The following ATP8A1 variants were observed in gnomAD, a reference collection of about 807,000 sequenced individuals.
ATP8A1 encodes ATPase phospholipid transporting 8A1.
ATP8A1 carries 90 observed loss-of-function variants against 177.7 expected under a neutral mutation model. The observed-to-expected ratio is 0.51, with a 90% CI of 0.43 to 0.60. The LOEUF (loss-of-function observed/expected upper bound fraction) is 0.60, where lower values mean the gene tolerates loss of function less well. Among genes scored for constraint, ATP8A1 ranks in the 20% least tolerant of loss-of-function variants. ATP8A1 has a pLI of 0.00. For missense variants in ATP8A1, 1,072 were observed against 1,392.8 expected (o/e 0.77, Z 3.67); for synonymous variants, 493 against 485.9 (o/e 1.01, Z -0.19).
chr4:42,425,223 T>TG (rs368048099), intron 33 of ATP8A1, among the ~76,000 whole-genome samples: 527 of 150,486 alleles, frequency 3.5e-3, no homozygotes, highest in East Asian at 0.017. Flanking sequence ...TTAATTTGGT[T>TG]GGGGGGGGGC....
At position 42,553,222 on chromosome 4, in the gene ATP8A1, T is replaced by C. The variant is rs909732131; in HGVS notation, c.1414-612A>G. 6.6e-5 allele frequency among the ~76,000 whole-genome samples: 10 copies of C among 152,372 alleles called. No individual in the cohort carries two copies. The South Asian group carries it at 1.9e-3, about 28-fold the overall frequency. ...TGAGAAAGGCAGATGTAGCTGAATCTTGTCGTTGGAGGACAGGATAAAAAT... is the reference window on the plus strand; with the variant it reads ...TGAGAAAGGCAGATGTAGCTGAATCCTGTCGTTGGAGGACAGGATAAAAAT... On this transcript the variant is annotated intron_variant, in intron 16 of 36. Transcript: ENST00000381668.
intron 6 of ATP8A1, among the ~76,000 whole-genome samples, chr4:42,592,593 A>T (rs991438775): frequency 6.6e-6 from 1 of 152,146 alleles, no homozygotes; most frequent in South Asian, 2.1e-4. Context: ...AGGTGTTACT[A>T]TCATTTTGAA....
chr4:42,616,128 C>T (rs1248076260), intron 4 of ATP8A1, 50 bp from the exon 5 acceptor site: 9 of 1,515,542 alleles, frequency 5.9e-6, no homozygotes, highest in Admixed American at 1.8e-5. Context: ...AATAAGATTA[C>T]TAAAACAAGA....
At chr4:42,623,937 G>A (rs1737775690) in intron 4 of ATP8A1, among the ~76,000 whole-genome samples, 1 of 151,958 alleles carries the variant, frequency 6.6e-6, no homozygotes, top group African/African-American at 2.4e-5. Flanking sequence ...CAAAACATTG[G>A]TTTCCTCAAG....
intron 22 of ATP8A1, among the ~76,000 whole-genome samples, chr4:42,517,071 G>C (rs954921930): frequency 2.0e-5 from 3 of 151,684 alleles, no homozygotes; most frequent in African/African-American, 7.3e-5. Context: ...GAGGCCAAGG[G>C]GGGGTGGATC....
intron 22 of ATP8A1, among the ~76,000 whole-genome samples, chr4:42,517,029 G>A (rs1006489899): frequency 5.9e-5 from 9 of 152,104 alleles, no homozygotes; most frequent in South Asian, 2.1e-4. Context: ...GGCCAGGCAC[G>A]GTGGCTCAGG....
At chr4:42,566,201 A>T (rs193000847) in intron 15 of ATP8A1, among the ~76,000 whole-genome samples, 1 of 152,330 alleles carries the variant, frequency 6.6e-6, no homozygotes, top group East Asian at 1.9e-4. Context: ...ACATATATCT[A>T]AGAGGTAATT....
chr4:42,451,034 G>A (rs954137464), intron 30 of ATP8A1, among the ~76,000 whole-genome samples: 4 of 152,126 alleles, frequency 2.6e-5, no homozygotes, highest in African/African-American at 7.2e-5. Flanking sequence ...GAGCCAATTC[G>A]AATATCTGTG....
intron 35 of ATP8A1, among the ~76,000 whole-genome samples, chr4:42,416,274 A>G (rs1713230630): frequency 6.6e-6 from 1 of 152,168 alleles, no homozygotes; most frequent in Non-Finnish European, 1.5e-5. Context: ...GGTGCTGGAA[A>G]GTCTTTGGTG....
intron 9 of ATP8A1, among the ~76,000 whole-genome samples, chr4:42,585,502 C>T (rs1321620563): frequency 7.0e-6 from 1 of 143,722 alleles, no homozygotes; most frequent in South Asian, 2.3e-4. Flanking sequence ...CGAGAGCCTC[C>T]GCCATGTGAA....
intron 1 of ATP8A1, among the ~76,000 whole-genome samples, chr4:42,645,156 T>C (rs1740407358): frequency 6.6e-6 from 1 of 152,340 alleles, no homozygotes; most frequent in Non-Finnish European, 1.5e-5. Context: ...TTGTACTGAA[T>C]TGAATGTTCA....
chr4:42,518,354 A>G (rs1243807977), intron 22 of ATP8A1, among the ~76,000 whole-genome samples: 2 of 152,228 alleles, frequency 1.3e-5, no homozygotes, highest in Admixed American at 1.3e-4. Context: ...ATACGGGCAC[A>G]ATGATGTACT....
intron 15 of ATP8A1, chr4:42,561,832 T>C (rs1371094039): frequency 6.6e-6 from 1 of 152,296 alleles, no homozygotes; most frequent in African/African-American, 2.4e-5. Context: ...CTGCCTCCAT[T>C]TCTCTCCCTG....
At chr4:42,495,629 T>C (rs930523603) in intron 24 of ATP8A1, among the ~76,000 whole-genome samples, 6 of 151,680 alleles carry the variant, frequency 4.0e-5, no homozygotes, top group African/African-American at 1.4e-4. Flanking sequence ...TTTTTTTTGA[T>C]GTAGTTTTTG....
rs1288524729 is a variant in ATP8A1, at chr4:42,507,018, A to C, written c.2084T>G (p.Ile695Ser). The stretch of plus-strand genomic sequence containing the variant: ...AAAATGTGAACTAGGTGAATTACCG[A>C]TGTTAATGGCAGTTTCTTGCTTGTC... ...TGDKQETAIN[I>S]GHSCKLLKKN... Residue 695 changes from isoleucine (I) to serine (S), a missense_variant and splice_region_variant, in exon 23 of 37, where the codon ATC becomes AGC. This residue lies in a region of ATP8A1 where 388 missense variants were observed against 471.7 expected (regional missense o/e 0.82). Transcript: ENST00000381668. The C allele has an allele frequency of 6.2e-7, 1 of 1,613,108 alleles. No individual in the cohort carries two copies. Among genetic ancestry groups the C allele is most frequent in the Non-Finnish European group, 8.5e-7 (1 of 1,179,746 alleles).
intron 7 of ATP8A1, among the ~76,000 whole-genome samples, chr4:42,588,898 C>T (rs548773182): frequency 1.3e-5 from 2 of 152,132 alleles, no homozygotes; most frequent in Admixed American, 6.5e-5. Context: ...ACAATGAAAG[C>T]GGATATATAG....
chr4:42,517,378 A>G (rs1025495781), intron 22 of ATP8A1, among the ~76,000 whole-genome samples: 1 of 152,148 alleles, frequency 6.6e-6, no homozygotes, highest in East Asian at 1.9e-4. Context: ...ATGAGTCCTA[A>G]TATGTTGACT....
intron 1 of ATP8A1, among the ~76,000 whole-genome samples, chr4:42,634,945 T>C (rs929925050): frequency 1.8e-4 from 28 of 152,158 alleles, no homozygotes; most frequent in African/African-American, 6.8e-4. Flanking sequence ...AGCACAATAC[T>C]TGTCATTCAA....
chr4:42,515,854 C>T (rs1196410157), intron 22 of ATP8A1, among the ~76,000 whole-genome samples: 1 of 152,200 alleles, frequency 6.6e-6, no homozygotes, highest in Non-Finnish European at 1.5e-5. Context: ...ATTTATATAT[C>T]AAGTAACTTT....
Sources: gnomAD v4.1 joint callset for allele counts (sites outside exome capture counted in the v4.1 genomes callset) on GRCh38, gnomAD v4.1.1 for gene constraint, gnomAD v4.1.1 regional missense constraint, MANE v1.5 for transcripts, NCBI Gene and HGNC (gene_info 2026-07-23, HGNC 2026-07-21) for gene names.